MSRA: variants seen among roughly 807,000 people sequenced by gnomAD.
MSRA encodes the protein methionine sulfoxide reductase A, also known as mitochondrial peptide methionine sulfoxide reductase.
In MSRA, 54 loss-of-function variants were observed where a neutral mutation model predicts 31.3. The ratio of observed to expected loss-of-function variants is 1.73; its 90% CI spans 1.39 to 2.17. The LOEUF (loss-of-function observed/expected upper bound fraction) is 2.17. Among genes scored for constraint, MSRA ranks in the 30% most tolerant of loss-of-function variants. MSRA has a pLI of 0.00. For missense variants in MSRA, 507 were observed against 300.9 expected (o/e 1.69, Z -5.07); for synonymous variants, 169 against 116.5 (o/e 1.45, Z -2.90).
chr8:10,161,969 C>G (rs1804697770), intron 1 of MSRA, among the ~76,000 whole-genome samples: 1 of 152,202 alleles, frequency 6.6e-6, no homozygotes, highest in African/African-American at 2.4e-5. Flanking sequence ...GAGCGCACTG[C>G]ATGGTCCTGT....
chr8:10,166,870 G>A (rs1403839568), intron 1 of MSRA, among the ~76,000 whole-genome samples: 3 of 152,126 alleles, frequency 2.0e-5, no homozygotes, highest in African/African-American at 7.2e-5. Flanking sequence ...CATCATCTGG[G>A]ACTGATGCCC....
chr8:10,337,794 G>T (rs1431459968), intron 5 of MSRA: 1 of 702,462 alleles, frequency 1.4e-6, no homozygotes, highest in Non-Finnish European at 2.6e-6. Flanking sequence ...CCATCTTCAA[G>T]AAAACATTAT....
intron 5 of MSRA, among the ~76,000 whole-genome samples, chr8:10,416,801 C>G (rs1808488123): frequency 6.6e-6 from 1 of 152,232 alleles, no homozygotes; most frequent in African/African-American, 2.4e-5. Context: ...GTCTGAGGAG[C>G]AAGGGCAGAG....
chr8:10,413,672 A>AAT (rs929096082), intron 5 of MSRA, among the ~76,000 whole-genome samples: 39 of 151,882 alleles, frequency 2.6e-4, no homozygotes, highest in African/African-American at 9.2e-4. Flanking sequence ...AAAAAAAAAA[A>AAT]AAAGAACTAA....
intron 5 of MSRA, among the ~76,000 whole-genome samples, chr8:10,394,971 C>T (rs1280376612): frequency 1.3e-5 from 2 of 152,208 alleles, no homozygotes; most frequent in Non-Finnish European, 2.9e-5. Context: ...TTGCCTTTGA[C>T]ACTTGGATAT....
chr8:10,098,028 C>CTT, intron 1 of MSRA, among the ~76,000 whole-genome samples: 1 of 151,812 alleles, frequency 6.6e-6, no homozygotes, highest in East Asian at 1.9e-4. Context: ...TTTGTGCAAG[C>CTT]TTTTTTTAAA....
intron 5 of MSRA, among the ~76,000 whole-genome samples, chr8:10,403,174 C>G (rs971892070): frequency 6.6e-6 from 1 of 152,184 alleles, no homozygotes; most frequent in Admixed American, 6.5e-5. Flanking sequence ...GAAGGCCCTC[C>G]AAATGCACCA....
chr8:10,306,873 T>G (rs1428802258), intron 4 of MSRA, among the ~76,000 whole-genome samples: 1 of 152,196 alleles, frequency 6.6e-6, no homozygotes, highest in African/African-American at 2.4e-5. Context: ...CTTGCTGTCC[T>G]CAGTCCTGGA....
intron 5 of MSRA, among the ~76,000 whole-genome samples, chr8:10,328,846 C>T (rs1351432080): frequency 6.6e-6 from 1 of 152,198 alleles, no homozygotes; most frequent in Non-Finnish European, 1.5e-5. Flanking sequence ...CAGTGAACCT[C>T]ATAAAGGATG....
At chr8:10,161,261 A>C (rs550569718) in intron 1 of MSRA, among the ~76,000 whole-genome samples, 41 of 152,310 alleles carry the variant, frequency 2.7e-4, no homozygotes, top group African/African-American at 8.9e-4. Context: ...ATTAAATATC[A>C]TCTGTTTCCC....
intron 5 of MSRA, among the ~76,000 whole-genome samples, chr8:10,328,055 T>TTTTTTA (rs1802478081): frequency 1.3e-5 from 1 of 76,532 alleles, no homozygotes; most frequent in Non-Finnish European, 3.3e-5. Flanking sequence ...TTTTTTTTAG[T>TTTTTTA]ATCAGTGACA....
At chr8:10,191,304 A>G (rs780451880) in intron 1 of MSRA, among the ~76,000 whole-genome samples, 1 of 152,150 alleles carries the variant, frequency 6.6e-6, no homozygotes, top group African/African-American at 2.4e-5. Context: ...CTGATCAACA[A>G]AACAAAACCC....
intron 1 of MSRA, among the ~76,000 whole-genome samples, chr8:10,185,515 C>A (rs1806963159): frequency 2.1e-5 from 3 of 143,788 alleles, no homozygotes; most frequent in African/African-American, 7.5e-5. Context: ...CTGGGCACAG[C>A]TTAATCCTTA....
Position 10,090,410 on chromosome 8 carries a change from A to G in MSRA, c.142+35752A>G, listed in dbSNP as rs1016631984. On this transcript the variant is annotated intron_variant, in intron 1 of 5. Coordinates refer to ENST00000317173, the MANE Select transcript of MSRA (RefSeq NM_012331.5). ...AGATTCCTGAAGCAGATTCAGGTGG[A>G]TAAGAGTTTAGTTAATGTATAGTAT... Among the ~76,000 whole-genome samples, 9 of 152,312 alleles carry G rather than the reference A, an allele frequency of 5.9e-5. No individual in the cohort carries two copies. In the East Asian group the frequency reaches 1.5e-3, roughly 26 times the overall value.
chr8:10,302,888 G>A lies in MSRA; in HGVS notation c.436+1250G>A, dbSNP rs144600043. Among the ~76,000 whole-genome samples the A allele has an allele frequency of 2.8e-3, 432 of 152,316 alleles. 2 individuals carry two copies. Among genetic ancestry groups the A allele is most frequent in the South Asian group, 0.011 (55 of 4,832 alleles). ...TAGGACAAGAACACTCTAATCAGAAGGTTCACGTGTCACCCTAGCTTGGGA... is the reference window on the plus strand; with the variant it reads ...TAGGACAAGAACACTCTAATCAGAAAGTTCACGTGTCACCCTAGCTTGGGA... On this transcript the variant is annotated intron_variant, in intron 4 of 5. Coordinates refer to ENST00000317173, the MANE Select transcript of MSRA (RefSeq NM_012331.5).
At chr8:10,219,107 A>T (rs1022214150) in intron 2 of MSRA, among the ~76,000 whole-genome samples, 2 of 152,204 alleles carry the variant, frequency 1.3e-5, no homozygotes, top group Non-Finnish European at 2.9e-5. Context: ...TCTTGCTTCT[A>T]GATGTGCAAT....
At chr8:10,060,507 T>C (rs915932160) in intron 1 of MSRA, among the ~76,000 whole-genome samples, 1 of 152,214 alleles carries the variant, frequency 6.6e-6, no homozygotes, top group African/African-American at 2.4e-5. Context: ...CTTTTGATGC[T>C]TTTTTGTAAC....
chr8:10,107,959 CT>C (rs1488767576), intron 1 of MSRA, among the ~76,000 whole-genome samples: 1 of 152,112 alleles, frequency 6.6e-6, no homozygotes, highest in Admixed American at 6.5e-5. Context: ...TCAGGAAATT[CT>C]TCCTCATATT....
chr8:10,385,812 T>TGGGGGGGGG (rs112720423), intron 5 of MSRA, among the ~76,000 whole-genome samples: 1 of 145,772 alleles, frequency 6.9e-6, no homozygotes, highest in Non-Finnish European at 1.5e-5. Context: ...TGGTGGGGGG[T>TGGGGGGGGG]GGGGTGTCTT....
Sources: gnomAD v4.1 joint callset for allele counts (sites outside exome capture counted in the v4.1 genomes callset) on GRCh38, gnomAD v4.1.1 for gene constraint, MANE v1.5 for transcripts, NCBI Gene and HGNC (gene_info 2026-07-23, HGNC 2026-07-21) for gene names.